Variants in EXOC6 observed in about 807,000 individuals in gnomAD.
EXOC6 encodes the protein exocyst complex component 6, also known as SEC15-like 1.
Under a neutral mutation model 112.5 loss-of-function variants are expected in EXOC6, and 60 were observed. That is an observed-to-expected ratio of 0.53 (90% confidence interval 0.43 to 0.66). EXOC6 has a LOEUF of 0.66. Ranked by LOEUF, EXOC6 falls within the 30% of genes least tolerant of loss-of-function variation. The pLI is 0.00. For synonymous variants in EXOC6, 295 were observed against 308.0 expected (o/e 0.96, Z 0.44); for missense variants, 855 against 957.1 (o/e 0.89, Z 1.41).
intron 1 of EXOC6, among the ~76,000 whole-genome samples, chr10:92,867,711 A>T (rs561089097): frequency 1.1e-4 from 16 of 152,340 alleles, no homozygotes; most frequent in Admixed American, 1.0e-3. Flanking sequence ...ATGATGTTAC[A>T]ACTGTTTCAA....
chr10:93,036,494 A>C (rs1302363909), intron 20 of EXOC6, among the ~76,000 whole-genome samples: 7 of 152,108 alleles, frequency 4.6e-5, no homozygotes, highest in African/African-American at 1.7e-4. Context: ...TAATTTATTA[A>C]ACAAGTCCTC....
chr10:93,022,429 A>G (rs534797179), intron 20 of EXOC6, among the ~76,000 whole-genome samples: 30 of 152,256 alleles, frequency 2.0e-4, no homozygotes, highest in African/African-American at 6.3e-4. Context: ...TGGGTGAGTT[A>G]TTTTATTACA....
chr10:92,859,172 G>A lies in EXOC6; in HGVS notation c.101+10538G>A, dbSNP rs571419932. On this transcript the variant is annotated intron_variant, in intron 1 of 21. Transcript: ENST00000260762. ...AAAACTGGACGATTTAGATAACGTA[G>A]CAACTCTCGATGCTGATTCCTTCCA... 6.6e-5 allele frequency among the ~76,000 whole-genome samples: 10 copies of A among 152,210 alleles called. No individual in the cohort carries two copies. The South Asian group carries it at 2.1e-3, about 32-fold the overall frequency.
intron 17 of EXOC6, among the ~76,000 whole-genome samples, chr10:92,971,638 C>T (rs1471399955): frequency 2.6e-5 from 4 of 152,160 alleles, no homozygotes; most frequent in Non-Finnish European, 5.9e-5. Context: ...CCTCGGCCTC[C>T]CAAAGTGCTA....
rs932184506 is a variant in EXOC6 at position 93,002,137 on chromosome 10, TC to T, written c.2095+4529del. 6.6e-5 allele frequency among the ~76,000 whole-genome samples: 10 copies of T among 152,076 alleles called. No homozygotes were observed. In the East Asian group the frequency reaches 7.7e-4, roughly 12 times the overall value. On this transcript the variant is annotated intron_variant, in intron 19 of 21. Transcript: ENST00000260762. The stretch of plus-strand genomic sequence containing the variant: ...GGATTCTATTATCTCTGTGTATTCC[TC>T]CCCCCCTTTTTTGGTGATTGCTAAG...
At chr10:92,896,181 ATTTTTT>A (rs58783356) in intron 4 of EXOC6, among the ~76,000 whole-genome samples, 115 of 10,218 alleles carry the variant, frequency 0.011, no homozygotes, top group Non-Finnish European at 0.013. Context: ...ATATATATAT[ATTTTTT>A]TTTTTTTTTT....
chr10:92,848,497 G>A (rs1847150116), upstream of EXOC6: 2 of 1,283,092 alleles, frequency 1.6e-6, no homozygotes, highest in Non-Finnish European at 2.0e-6. Flanking sequence ...CGTTCCCGCG[G>A]CGCCGCGCCT....
chr10:92,869,337 C>T (rs989993894), intron 1 of EXOC6, among the ~76,000 whole-genome samples: 6 of 151,418 alleles, frequency 4.0e-5, no homozygotes, highest in South Asian at 2.1e-4. Context: ...GAGACAGGGT[C>T]GCACTCTGTT....
At chr10:92,980,668 C>G (rs1397662498) in intron 18 of EXOC6, among the ~76,000 whole-genome samples, 6 of 152,124 alleles carry the variant, frequency 3.9e-5, no homozygotes, top group African/African-American at 1.4e-4. Flanking sequence ...CAATTGCTAA[C>G]AGTCAGATGC....
chr10:93,018,562 T>G (rs1341297310), intron 20 of EXOC6, among the ~76,000 whole-genome samples: 1 of 152,104 alleles, frequency 6.6e-6, no homozygotes, highest in Non-Finnish European at 1.5e-5. Flanking sequence ...GTCCTCACAA[T>G]TCCTTCTTTG....
chr10:93,018,225 G>A (rs1844630929), intron 20 of EXOC6, among the ~76,000 whole-genome samples: 1 of 151,912 alleles, frequency 6.6e-6, no homozygotes, highest in Non-Finnish European at 1.5e-5. Flanking sequence ...GCAGGTTTGA[G>A]ATAATCAGGG....
chr10:92,998,664 A>ACACT (rs1418790337), intron 19 of EXOC6, among the ~76,000 whole-genome samples: 2 of 148,778 alleles, frequency 1.3e-5, no homozygotes, highest in South Asian at 2.1e-4. Context: ...ACACACACAC[A>ACACT]CTCCAAAGTT....
Position 92,896,177 on chromosome 10 carries a change from ATATATTTTTTTTTTTT to A in EXOC6, c.412+1159_412+1174del, listed in dbSNP as rs1849803551. Among the ~76,000 whole-genome samples, 13 of 16,156 alleles carry A rather than the reference ATATATTTTTTTTTTTT, an allele frequency of 8.0e-4. 1 individual carries two copies. The highest frequency in any genetic ancestry group is 3.1e-3 in the South Asian group (1 of 324). 10.6% of individuals were successfully genotyped at this position (16,156 alleles called of 152,430 possible). A position where few individuals can be genotyped will look rare whatever the true frequency, so the allele number is the denominator to read the frequency against. Reference sequence around the variant, plus strand: ...TATATATATATATATATATATATATATATATTTTTTTTTTTTTTTTTTTTTTTTTTTTTTTTTTTTG... The same window carrying A: ...TATATATATATATATATATATATATATTTTTTTTTTTTTTTTTTTTTTTTG... On this transcript the variant is annotated intron_variant, in intron 4 of 21. Coordinates refer to ENST00000260762, the MANE Select transcript of EXOC6 (RefSeq NM_019053.6).
At chr10:92,827,706 CA>C (rs1215799073) in intron 1 of EXOC6, among the ~76,000 whole-genome samples, 1 of 152,056 alleles carries the variant, frequency 6.6e-6, no homozygotes, top group Non-Finnish European at 1.5e-5. Flanking sequence ...AAGATCCCCT[CA>C]CAGACCAGAT....
At chr10:92,975,124 C>T (rs10882133) in intron 18 of EXOC6, among the ~76,000 whole-genome samples, 57,185 of 150,454 alleles carry the variant, frequency 0.38, 11,089 homozygotes, top group Middle Eastern at 0.49. Flanking sequence ...AAGTGAGGAG[C>T]GCCTCTTCCC....
At chr10:92,951,187 G>A (rs1853388159) in intron 14 of EXOC6, among the ~76,000 whole-genome samples, 1 of 152,194 alleles carries the variant, frequency 6.6e-6, no homozygotes, top group South Asian at 2.1e-4. Flanking sequence ...GTAGATACAT[G>A]AATTTGGACT....
Position 93,058,625 on chromosome 10 carries a change from A to C in EXOC6, c.*270A>C, listed in dbSNP as rs1339820. On this transcript the variant is annotated 3_prime_UTR_variant, in exon 22 of 22. Coordinates refer to ENST00000260762, the MANE Select transcript of EXOC6 (RefSeq NM_019053.6). ...ATACATAAATTGTCACAAATTATAC[A>C]TGAAATTGATTACAAATACATTTGA... 238,256 of 270,950 alleles carry C rather than the reference A, an allele frequency of 0.88. 104,982 individuals are homozygous for C. Among genetic ancestry groups the C allele is most frequent in the East Asian group, 0.99 (13,203 of 13,362 alleles). The allele number at this position is 270,950 out of a possible 1,614,324, so 16.8% of individuals were successfully genotyped here. A position where few individuals can be genotyped will look rare whatever the true frequency, so the allele number is the denominator to read the frequency against.
rs1245598301 is a variant in EXOC6 at position 92,915,801 on chromosome 10, A to G, written c.707A>G (p.Asn236Ser). The G allele has an allele frequency of 6.5e-6, 10 of 1,536,218 alleles. No homozygotes were observed. The highest frequency in any genetic ancestry group is 8.7e-6 in the Non-Finnish European group (10 of 1,152,534). ...TTCAGTGTTTCTCTGCAGAAACAAA[A>G]TAAAATGAAATTTGGGAAAAATATG... ...KTFSVSLQKQ[N>S]KMKFGKNMYI... Residue 236 changes from asparagine to serine, a missense_variant, in exon 7 of 22, where the codon AAT (asparagine) becomes AGT (serine). Physicochemically the swap from Asn to Ser is conservative, Grantham distance 46. This residue lies in a region of EXOC6 where 405 missense variants were observed against 393.6 expected (regional missense o/e 1.03). Transcript: ENST00000260762.
chr10:92,893,934 A>G (rs1046684127), intron 2 of EXOC6, among the ~76,000 whole-genome samples: 10 of 152,250 alleles, frequency 6.6e-5, no homozygotes, highest in African/African-American at 2.4e-4. Flanking sequence ...TGAAAAGTTT[A>G]ACAGCAGTGT....
Sources: gnomAD v4.1 joint callset for allele counts (sites outside exome capture counted in the v4.1 genomes callset) on GRCh38, gnomAD v4.1.1 for gene constraint, gnomAD v4.1.1 regional missense constraint, MANE v1.5 for transcripts, NCBI Gene and HGNC (gene_info 2026-07-23, HGNC 2026-07-21) for gene names.